The following BRSK2 variants were observed in gnomAD, a reference collection of about 807,000 sequenced individuals.
BRSK2 encodes the protein BR serine/threonine kinase 2, also known as serine/threonine-protein kinase BRSK2.
In BRSK2, 19 loss-of-function variants were observed where a neutral mutation model predicts 83.3. The observed-to-expected ratio is 0.23, with a 90% CI of 0.16 to 0.33. BRSK2 has a LOEUF of 0.33. Ranked by LOEUF, BRSK2 falls within the 10% of genes least tolerant of loss-of-function variation. BRSK2 has a pLI of 1.00. For missense variants in BRSK2, 798 were observed against 1,042.3 expected, an observed-to-expected ratio of 0.77 and a Z score of 3.23; for synonymous variants, 519 against 435.4, an observed-to-expected ratio of 1.19 and a Z score of -2.39.
chr11:1,453,544 G>A (rs1564877593), intron 15 of BRSK2, among the ~76,000 whole-genome samples: 1 of 152,238 alleles, frequency 6.6e-6, no homozygotes, highest in African/African-American at 2.4e-5. Flanking sequence ...CAGCCGCCGA[G>A]ACCGGCAGGA....
At chr11:1,405,574 G>T (rs1372221029) in intron 1 of BRSK2, among the ~76,000 whole-genome samples, 1 of 152,014 alleles carries the variant, frequency 6.6e-6, no homozygotes, top group Non-Finnish European at 1.5e-5. Flanking sequence ...GCCCTGTCCT[G>T]CCCAGGGGTC....
At chr11:1,446,720 G>A (rs565436981) in intron 12 of BRSK2, among the ~76,000 whole-genome samples, 32 of 152,342 alleles carry the variant, frequency 2.1e-4, no homozygotes, top group South Asian at 1.2e-3. Context: ...CCTTGGAGCC[G>A]GTGCGGCCTC....
At chr11:1,398,803 G>A (rs1372724546) in intron 1 of BRSK2, among the ~76,000 whole-genome samples, 2 of 152,116 alleles carry the variant, frequency 1.3e-5, no homozygotes, top group East Asian at 3.9e-4. Context: ...CTTCCCTCCT[G>A]CTCATCTGTG....
chr11:1,440,704 A>C, intron 3 of BRSK2, 84 bp from the exon 4 acceptor site: 1 of 1,486,426 alleles, frequency 6.7e-7, no homozygotes, highest in Non-Finnish European at 9.0e-7. Context: ...AGGCTGGGCC[A>C]GGAGGCGGCT....
At chr11:1,451,566 A>G (rs1217375938) in intron 15 of BRSK2, 147 bp downstream of exon 15, 2 of 833,550 alleles carry the variant, frequency 2.4e-6, no homozygotes, top group Admixed American at 2.1e-5. Flanking sequence ...TCGGCCACTG[A>G]GTCTCTGAAG....
intron 15 of BRSK2, among the ~76,000 whole-genome samples, chr11:1,453,547 C>T (rs942729155): frequency 2.6e-5 from 4 of 152,220 alleles, no homozygotes; most frequent in South Asian, 2.1e-4. Context: ...CCGCCGAGAC[C>T]GGCAGGACAC....
chr11:1,450,301 C>A, intron 13 of BRSK2, among the ~76,000 whole-genome samples: 2 of 152,124 alleles, frequency 1.3e-5, no homozygotes, highest in Middle Eastern at 6.8e-3. Context: ...CCACGGAGCC[C>A]GAAGCTTGTG....
chr11:1,415,855 G>A (rs571313448), intron 1 of BRSK2, among the ~76,000 whole-genome samples: 5 of 152,382 alleles, frequency 3.3e-5, no homozygotes, highest in Admixed American at 6.5e-5. Context: ...CGGCCTCCTC[G>A]GCCACTGTCC....
chr11:1,439,771 T>C (rs1421511486), intron 3 of BRSK2, among the ~76,000 whole-genome samples: 7 of 118,288 alleles, frequency 5.9e-5, no homozygotes, highest in Admixed American at 1.7e-4. Flanking sequence ...CACACCTTCC[T>C]CTGCCCTGAG....
At chr11:1,451,984 G>A (rs1056495827) in intron 15 of BRSK2, among the ~76,000 whole-genome samples, 10 of 152,118 alleles carry the variant, frequency 6.6e-5, no homozygotes, top group African/African-American at 2.4e-4. Flanking sequence ...CAGCGCCCAG[G>A]CCCTCTCCCT....
At chr11:1,406,459 A>G (rs1281772026) in intron 1 of BRSK2, among the ~76,000 whole-genome samples, 2 of 152,208 alleles carry the variant, frequency 1.3e-5, no homozygotes, top group Non-Finnish European at 2.9e-5. Flanking sequence ...GTGATAGAGC[A>G]AGACTCTGTC....
Position 1,456,409 on chromosome 11 carries a change from C to CG in BRSK2, c.1737dup (p.Pro580AlafsTer13). On this transcript the variant is annotated frameshift_variant, in exon 17 of 20. Coordinates refer to ENST00000528841, the MANE Select transcript of BRSK2 (RefSeq NM_001256627.2). LOFTEE classifies it high-confidence loss of function. ...AGCTTCCGGGCCGAGTACAAGGCCA[C>CG]GGGGGGGCCAGCCGTGTTCCAGAAG... is the stretch of plus-strand genomic sequence containing the variant. The CG allele has an allele frequency of 2.5e-6, 4 of 1,600,058 alleles. No homozygotes were observed. Among genetic ancestry groups the CG allele is most frequent in the Admixed American group, 1.7e-5 (1 of 57,994 alleles).
intron 1 of BRSK2, 142 bp from the exon 2 acceptor site, chr11:1,435,898 C>G: frequency 1.7e-6 from 1 of 595,878 alleles, no homozygotes. Context: ...GCGACCCAGG[C>G]GGGCAGGGGC....
In BRSK2 at chr11:1,445,488, A is replaced by G. The variant is rs760677402; in HGVS notation, c.977+30A>G. On this transcript the variant is annotated intron_variant, in intron 10 of 19. Coordinates refer to ENST00000528841, the MANE Select transcript of BRSK2 (RefSeq NM_001256627.2). Reference sequence around the variant, plus strand: ...GTCTGGGGCTGCTCCCGGGTGGGGCACGGGGCCTGAGGTGGGAGCGCTGCC... The same window carrying G: ...GTCTGGGGCTGCTCCCGGGTGGGGCGCGGGGCCTGAGGTGGGAGCGCTGCC... 64 of 1,610,032 alleles carry G rather than the reference A, an allele frequency of 4.0e-5. No individual in the cohort carries two copies. In the Admixed American group the frequency reaches 4.7e-4, roughly 12 times the overall value.
intron 1 of BRSK2, among the ~76,000 whole-genome samples, chr11:1,422,917 G>A (rs1275366670): frequency 6.6e-6 from 1 of 152,226 alleles, no homozygotes; most frequent in Non-Finnish European, 1.5e-5. Flanking sequence ...TGGTGATGTG[G>A]TGTCCGGAGG....
intron 1 of BRSK2, among the ~76,000 whole-genome samples, chr11:1,402,990 A>C (rs1038203356): frequency 5.9e-5 from 9 of 152,050 alleles, no homozygotes; most frequent in Non-Finnish European, 1.3e-4. Flanking sequence ...CAAAAGCCAG[A>C]GCCGCCGAGG....
At chr11:1,408,780 TGGC>T (rs535097901) in intron 1 of BRSK2, among the ~76,000 whole-genome samples, 1 of 26,012 alleles carries the variant, frequency 3.8e-5, no homozygotes, top group Non-Finnish European at 1.1e-4. Context: ...TGTGTGTGTT[TGGC>T]TGTGCAAGGG....
At chr11:1,447,999 A>G in intron 12 of BRSK2, 2 of 909,408 alleles carry the variant, frequency 2.2e-6, no homozygotes, top group East Asian at 2.6e-5. Flanking sequence ...CCAGCCAGCA[A>G]GCCAGGCAAG....
intron 11 of BRSK2, 36 bp from the exon 12 acceptor site, chr11:1,445,721 C>A (rs377180345): frequency 5.0e-6 from 8 of 1,610,794 alleles, no homozygotes; most frequent in African/African-American, 2.7e-5. Flanking sequence ...CACCGGGGTC[C>A]GGGGGCTGTC....
Sources: allele counts gnomAD v4.1 joint callset (sites outside exome capture counted in the v4.1 genomes callset), GRCh38; gene constraint gnomAD v4.1.1; transcripts MANE v1.5; gene names NCBI Gene and HGNC (gene_info 2026-07-23, HGNC 2026-07-21).